Variants in DTNA observed in about 807,000 individuals in gnomAD.
DTNA encodes dystrobrevin alpha.
A neutral mutation model predicts 100.7 loss-of-function variants in DTNA; 43 were observed. The observed-to-expected ratio is 0.43, with a 90% CI of 0.33 to 0.55. The LOEUF is 0.55. DTNA is among the 20% of genes least tolerant of loss of function. DTNA has a pLI of 0.04. For missense variants in DTNA, 798 were observed against 953.9 expected (o/e 0.84, Z 2.15); for synonymous variants, 349 against 347.9 (o/e 1.00, Z -0.04).
rs2096950028 is a variant in DTNA, at chr18:34,889,317, C to T, written c.*1583C>T. 1.0e-6 allele frequency: 1 copy of T among 980,350 alleles called. No individual in the cohort carries two copies. Among genetic ancestry groups the T allele is most frequent in the Non-Finnish European group, 1.2e-6 (1 of 825,484 alleles). 60.7% of individuals were successfully genotyped at this position (980,350 alleles called of 1,614,324 possible). On this transcript the variant is annotated 3_prime_UTR_variant, in exon 23 of 23. Transcript: ENST00000444659. ...CTTCGAAATACTAATTTGTAAGCCC[C>T]ACCTCAGGCCTACTGAATCAGAAGC...
At chr18:34,657,963 C>T (rs1012891934) in intron 1 of DTNA, among the ~76,000 whole-genome samples, 3 of 152,170 alleles carry the variant, frequency 2.0e-5, no homozygotes, top group African/African-American at 7.2e-5. Flanking sequence ...CAGCTTTGCT[C>T]ATAAAAATTA....
chr18:34,824,954 TTAAA>T (rs1264000766), intron 9 of DTNA, among the ~76,000 whole-genome samples: 2 of 125,444 alleles, frequency 1.6e-5, no homozygotes, highest in Admixed American at 7.4e-5. Context: ...AAAAAAAAAA[TTAAA>T]TCAATAGGAT....
intron 1 of DTNA, among the ~76,000 whole-genome samples, chr18:34,703,061 T>A (rs1046367854): frequency 6.6e-6 from 1 of 152,200 alleles, no homozygotes; most frequent in African/African-American, 2.4e-5. Flanking sequence ...AGTCTTTATG[T>A]TCATTCTTTA....
chr18:34,573,578 A>G (rs544770264), intron 1 of DTNA, among the ~76,000 whole-genome samples: 5 of 152,146 alleles, frequency 3.3e-5, no homozygotes, highest in Admixed American at 2.0e-4. Flanking sequence ...TATTCTTCTA[A>G]TTGAAAAATT....
intron 1 of DTNA, among the ~76,000 whole-genome samples, chr18:34,604,378 C>T (rs2052570913): frequency 6.6e-6 from 1 of 152,060 alleles, no homozygotes; most frequent in Non-Finnish European, 1.5e-5. Flanking sequence ...ATTCTTAGCA[C>T]ACATTTTTTT....
intron 13 of DTNA, among the ~76,000 whole-genome samples, chr18:34,839,101 G>T (rs1251075794): frequency 6.6e-6 from 1 of 152,208 alleles, no homozygotes; most frequent in East Asian, 1.9e-4. Context: ...CCTTCAGGTA[G>T]ATTCAGGACT....
At chr18:34,793,315 A>C (rs1277109333) in intron 3 of DTNA, among the ~76,000 whole-genome samples, 1 of 152,202 alleles carries the variant, frequency 6.6e-6, no homozygotes, top group Admixed American at 6.5e-5. Flanking sequence ...AAGAAAACAG[A>C]AACAGCTTTC....
Position 34,851,863 on chromosome 18 carries a change from C to A in DTNA, c.1467C>A (p.Ile489=), listed in dbSNP as rs1445500871. The A allele has an allele frequency of 1.2e-6, 2 of 1,614,068 alleles. No individual in the cohort carries two copies. Among genetic ancestry groups the A allele is most frequent in the Admixed American group, 3.3e-5 (2 of 60,020 alleles). Residue 489 remains isoleucine, a synonymous_variant, in exon 15 of 23, where the codon ATC becomes ATA. Coordinates refer to ENST00000444659, the MANE Select transcript of DTNA (RefSeq NM_001386795.1). The part of the protein sequence containing the change: ...QPPQQRSAPD[I]SFTIDANKQQ... ...CTCAGCAGAGAAGTGCTCCTGACAT[C>A]TCTTTCACCATCGATGCGAATAAGC...
At chr18:34,846,655 G>C (rs766938110) in intron 13 of DTNA, among the ~76,000 whole-genome samples, 3 of 151,564 alleles carry the variant, frequency 2.0e-5, no homozygotes, top group South Asian at 2.1e-4. Flanking sequence ...AATGTCTTAT[G>C]AATGACCAGA....
chr18:34,689,343 T>C (rs1177972695), intron 1 of DTNA, among the ~76,000 whole-genome samples: 1 of 151,120 alleles, frequency 6.6e-6, no homozygotes, highest in Non-Finnish European at 1.5e-5. Context: ...CATTTTTTTG[T>C]TGTTGTTGAT....
intron 1 of DTNA, among the ~76,000 whole-genome samples, chr18:34,710,767 G>A (rs1380361083): frequency 2.6e-5 from 4 of 152,006 alleles, no homozygotes; most frequent in Non-Finnish European, 4.4e-5. Context: ...TCAAATCAGC[G>A]TAGACCTGAA....
intron 1 of DTNA, among the ~76,000 whole-genome samples, chr18:34,685,075 T>A (rs985178605): frequency 3.3e-5 from 5 of 152,212 alleles, no homozygotes; most frequent in Non-Finnish European, 7.3e-5. Context: ...TTGCAAAAAT[T>A]TTCTCCCATT....
chr18:34,846,347 A>G (rs2096377721), intron 13 of DTNA, among the ~76,000 whole-genome samples: 1 of 152,190 alleles, frequency 6.6e-6, no homozygotes, highest in Non-Finnish European at 1.5e-5. Context: ...TGTTATTTAA[A>G]AGGCAAAATA....
At chr18:34,872,884 C>A (rs496728) in intron 17 of DTNA, among the ~76,000 whole-genome samples, 27,428 of 152,164 alleles carry the variant, frequency 0.18, 3,302 homozygotes, top group African/African-American at 0.35. Context: ...AGTCCTTAGA[C>A]TCAGCATGGC....
intron 1 of DTNA, among the ~76,000 whole-genome samples, chr18:34,684,305 C>A (rs760769567): frequency 6.6e-6 from 1 of 152,118 alleles, no homozygotes; most frequent in Non-Finnish European, 1.5e-5. Context: ...CCTTGCCCCC[C>A]ATCCCGCAAC....
At position 34,598,217 on chromosome 18, in the gene DTNA, C is replaced by CTT. The variant is rs71159880; in HGVS notation, c.-2+104716_-2+104717dup. Reference sequence around the variant, plus strand: ...AGGGAATTCTCTATTTTCTTTCTTTCTTTTTTTTTTTTTTACCAAATGTGA... The same window carrying CTT: ...AGGGAATTCTCTATTTTCTTTCTTTCTTTTTTTTTTTTTTTTACCAAATGTGA... On this transcript the variant is annotated intron_variant, in intron 1 of 19. Coordinates refer to the DTNA transcript ENST00000283365. Among the ~76,000 whole-genome samples, 401 of 138,018 alleles carry CTT rather than the reference C, an allele frequency of 2.9e-3. 2 individuals carry two copies. Among genetic ancestry groups the CTT allele is most frequent in the African/African-American group, 9.6e-3 (364 of 37,972 alleles). 90.5% of individuals were successfully genotyped at this position (138,018 alleles called of 152,430 possible). A position where few individuals can be genotyped will look rare whatever the true frequency, so the allele number is the denominator to read the frequency against.
chr18:34,771,288 A>G (rs1382437772), intron 3 of DTNA, among the ~76,000 whole-genome samples: 1 of 152,052 alleles, frequency 6.6e-6, no homozygotes, highest in Non-Finnish European at 1.5e-5. Flanking sequence ...TCACAAGGTC[A>G]GGAGATCGAG....
chr18:34,502,956 G>A (rs377457418), intron 1 of DTNA, among the ~76,000 whole-genome samples: 15 of 152,100 alleles, frequency 9.9e-5, no homozygotes, highest in African/African-American at 2.2e-4. Context: ...AGTATATGCC[G>A]TCTCCAGTTA....
At chr18:34,880,952 A>T (rs888274550) in intron 20 of DTNA, among the ~76,000 whole-genome samples, 8 of 152,188 alleles carry the variant, frequency 5.3e-5, no homozygotes, top group Non-Finnish European at 1.2e-4. Context: ...TTTATATGGC[A>T]GTTAGCTAGA....
Sources: allele counts gnomAD v4.1 joint callset (sites outside exome capture counted in the v4.1 genomes callset), GRCh38; gene constraint gnomAD v4.1.1; transcripts MANE v1.5; gene names NCBI Gene and HGNC (gene_info 2026-07-23, HGNC 2026-07-21).